SORCS2: variants seen among roughly 807,000 people sequenced by gnomAD.
SORCS2 encodes sortilin related VPS10 domain containing receptor 2, also known as VPS10 domain-containing receptor SorCS2.
Under a neutral mutation model 141.6 loss-of-function variants are expected in SORCS2, and 100 were observed. The ratio of observed to expected loss-of-function variants is 0.71; its 90% CI spans 0.60 to 0.83. The LOEUF (loss-of-function observed/expected upper bound fraction) is 0.83. Ranked by LOEUF, SORCS2 falls within the 40% of genes least tolerant of loss-of-function variation. The probability of loss-of-function intolerance (pLI) is 0.00; values close to 1 mark genes in which losing one functional copy is unlikely to be tolerated. For missense variants in SORCS2, 1,646 were observed against 1,560.2 expected (o/e 1.05, Z -0.93); for synonymous variants, 789 against 676.9 (o/e 1.17, Z -2.57).
chr4:7,500,318 T>TC (rs5855967), intron 2 of SORCS2, among the ~76,000 whole-genome samples: 112,180 of 151,896 alleles, frequency 0.74, 41,837 homozygotes, highest in East Asian at 0.99. Context: ...CCTTCCTTAC[T>TC]CCAGGCATGC....
chr4:7,452,986 G>GGA (rs540524551), intron 2 of SORCS2, among the ~76,000 whole-genome samples: 1 of 121,962 alleles, frequency 8.2e-6, no homozygotes. Flanking sequence ...GTTGGGGTCA[G>GGA]GCTCCGTGTT....
intron 2 of SORCS2, among the ~76,000 whole-genome samples, chr4:7,412,028 A>T (rs75699194): frequency 0.047 from 7,204 of 152,326 alleles, 279 homozygotes; most frequent in East Asian, 0.13. Flanking sequence ...TGTGCAGCAG[A>T]TGCCAGCCAT....
chr4:7,719,164 G>A (rs953718300), intron 18 of SORCS2, among the ~76,000 whole-genome samples: 4 of 152,218 alleles, frequency 2.6e-5, no homozygotes, highest in South Asian at 2.1e-4. Flanking sequence ...ACAGTGATGT[G>A]TGTCCTGTTT....
At chr4:7,627,726 G>A (rs1719607003) in intron 3 of SORCS2, among the ~76,000 whole-genome samples, 1 of 152,236 alleles carries the variant, frequency 6.6e-6, no homozygotes, top group South Asian at 2.1e-4. Context: ...CTGGAATGAA[G>A]GCGTGCCCTC....
chr4:7,227,370 T>C (rs1729051803), intron 1 of SORCS2, among the ~76,000 whole-genome samples: 1 of 152,214 alleles, frequency 6.6e-6, no homozygotes, highest in African/African-American at 2.4e-5. Flanking sequence ...CTCTCTGCAT[T>C]AACCGAGGCG....
intron 2 of SORCS2, among the ~76,000 whole-genome samples, chr4:7,453,630 G>A (rs1205464434): frequency 7.3e-6 from 1 of 137,184 alleles, no homozygotes; most frequent in African/African-American, 2.9e-5. Flanking sequence ...CAGGTGCTGT[G>A]TTGGGGTCAG....
At chr4:7,731,729 A>G (rs767331542) in intron 23 of SORCS2, among the ~76,000 whole-genome samples, 2 of 152,254 alleles carry the variant, frequency 1.3e-5, no homozygotes, top group Non-Finnish European at 2.9e-5. Context: ...AATATCTCCC[A>G]TAAATATTGT....
intron 1 of SORCS2, among the ~76,000 whole-genome samples, chr4:7,267,298 T>G (rs974537950): frequency 6.6e-6 from 1 of 152,202 alleles, no homozygotes; most frequent in African/African-American, 2.4e-5. Flanking sequence ...TTTCAATTCT[T>G]AGCACAAAAC....
chr4:7,708,741 C>T (rs921105304), intron 14 of SORCS2, among the ~76,000 whole-genome samples: 1 of 152,226 alleles, frequency 6.6e-6, no homozygotes, highest in African/African-American at 2.4e-5. Context: ...AGGCCATTCT[C>T]ATAAGAAATG....
chr4:7,280,557 A>G (rs1486929865), intron 1 of SORCS2, among the ~76,000 whole-genome samples: 3 of 152,186 alleles, frequency 2.0e-5, no homozygotes, highest in African/African-American at 4.8e-5. Context: ...TCATTCTGGG[A>G]GGGCCAGTGT....
chr4:7,723,840 C>T lies in SORCS2; in HGVS notation c.2568C>T (p.Asn856=), dbSNP rs1383942716. ...ACCGCGTGTCCGTCAGGGCAGAGAA[C>T]ACGGCAGGCCACGATGAGGCGGTGC... ...GIYRVSVRAE[N]TAGHDEAVLF... Residue 856 remains asparagine, a synonymous_variant, in exon 19 of 27, where the codon AAC becomes AAT. Coordinates refer to ENST00000507866, the MANE Select transcript of SORCS2 (RefSeq NM_020777.3). 1 of 1,612,228 alleles carries T rather than the reference C, an allele frequency of 6.2e-7. No individual in the cohort carries two copies. Among genetic ancestry groups the T allele is most frequent in the Non-Finnish European group, 8.5e-7 (1 of 1,179,814 alleles).
intron 3 of SORCS2, among the ~76,000 whole-genome samples, chr4:7,574,250 G>A (rs1407218538): frequency 6.6e-6 from 1 of 152,264 alleles, no homozygotes; most frequent in Non-Finnish European, 1.5e-5. Flanking sequence ...GAGGTGCAGC[G>A]AGGGTGTGGT....
intron 18 of SORCS2, among the ~76,000 whole-genome samples, chr4:7,720,687 A>T (rs1344124720): frequency 6.6e-6 from 1 of 152,240 alleles, no homozygotes; most frequent in Non-Finnish European, 1.5e-5. Context: ...AATGAGCAGA[A>T]CTGAAAAGAC....
intron 11 of SORCS2, among the ~76,000 whole-genome samples, chr4:7,690,876 C>G (rs928643744): frequency 2.0e-5 from 3 of 152,208 alleles, no homozygotes; most frequent in Non-Finnish European, 4.4e-5. Flanking sequence ...TTCCACTAAA[C>G]TAGAACATCC....
At chr4:7,325,539 A>T (rs537676128) in intron 1 of SORCS2, among the ~76,000 whole-genome samples, 2 of 152,248 alleles carry the variant, frequency 1.3e-5, no homozygotes, top group South Asian at 4.2e-4. Flanking sequence ...TTCACTGGGC[A>T]CCCTAAGGGC....
intron 18 of SORCS2, among the ~76,000 whole-genome samples, chr4:7,720,116 C>T (rs1726487827): frequency 6.6e-6 from 1 of 152,194 alleles, no homozygotes; most frequent in Non-Finnish European, 1.5e-5. Flanking sequence ...CAGATTTGTA[C>T]ACACTCACAC....
chr4:7,286,583 G>A lies in SORCS2; in HGVS notation c.480+93457G>A, dbSNP rs956266359. On this transcript the variant is annotated intron_variant, in intron 1 of 26. Transcript: ENST00000507866. The surrounding 1 kb of genome is among the most constrained non-coding windows in gnomAD (Gnocchi z 4.1). Reference sequence around the variant, plus strand: ...GACCAGAAGGGACATGGTCCCATTCGGTCCCAGGCCAGCCCCCCGTATCTT... The same window carrying A: ...GACCAGAAGGGACATGGTCCCATTCAGTCCCAGGCCAGCCCCCCGTATCTT... 1.3e-5 allele frequency among the ~76,000 whole-genome samples: 2 copies of A among 152,160 alleles called. No individual in the cohort carries two copies. The highest frequency in any genetic ancestry group is 2.4e-5 in the African/African-American group (1 of 41,448).
rs184988922 is a variant in SORCS2 at position 7,216,229 on chromosome 4, C to T, written c.480+23103C>T. ...CTTGAAGTCAGTGAGACCAAGAACCCACCAATTCCGGACACAAAAGCAGCA... is the reference window on the plus strand; with the variant it reads ...CTTGAAGTCAGTGAGACCAAGAACCTACCAATTCCGGACACAAAAGCAGCA... On this transcript the variant is annotated intron_variant, in intron 1 of 26. Coordinates refer to ENST00000507866, the MANE Select transcript of SORCS2 (RefSeq NM_020777.3). Among the ~76,000 whole-genome samples, 131 of 152,294 alleles carry T rather than the reference C, an allele frequency of 8.6e-4. 1 individual carries two copies. The highest frequency in any genetic ancestry group is 3.0e-3 in the African/African-American group (124 of 41,556).
intron 3 of SORCS2, among the ~76,000 whole-genome samples, chr4:7,542,278 A>C (rs549560034): frequency 1.4e-4 from 21 of 152,330 alleles, no homozygotes; most frequent in East Asian, 1.9e-4. Flanking sequence ...TGTGCCCCCC[A>C]AAAAAATATG....
Sources: gnomAD v4.1 joint callset for allele counts (sites outside exome capture counted in the v4.1 genomes callset) on GRCh38, gnomAD v4.1.1 for gene constraint, Gnocchi (gnomAD v3.1) non-coding constraint, MANE v1.5 for transcripts, NCBI Gene and HGNC (gene_info 2026-07-23, HGNC 2026-07-21) for gene names.